UBTF: variants seen among roughly 807,000 people sequenced by gnomAD.
The protein encoded by UBTF is nucleolar transcription factor 1.
A neutral mutation model predicts 112.3 loss-of-function variants in UBTF; 8 were observed. The ratio of observed to expected loss-of-function variants is 0.07; its 90% CI spans 0.04 to 0.13. The LOEUF (loss-of-function observed/expected upper bound fraction) is 0.13, where lower values mean the gene tolerates loss of function less well. UBTF is among the 10% of genes least tolerant of loss of function. UBTF has a pLI of 1.00. For missense variants in UBTF, 457 were observed against 982.1 expected, an observed-to-expected ratio of 0.47 and a Z score of 7.15; for synonymous variants, 417 against 373.1, an observed-to-expected ratio of 1.12 and a Z score of -1.36.
At chr17:44,212,071 G>A in intron 8 of UBTF, 65 bp from the exon 9 acceptor site, 1 of 1,560,126 alleles carries the variant, frequency 6.4e-7, no homozygotes, top group African/African-American at 1.4e-5. Flanking sequence ...AGGGGCAGGG[G>A]GAGAGCCGCT....
Position 44,212,273 on chromosome 17 carries a change from C to A in UBTF, c.771+71G>T, listed in dbSNP as rs1229691960. ...GGGGAGTGACACCTCCCGCAGAGTG[C>A]GGTGGCCACGGAGTCGGAGGGCAGA... On this transcript the variant is annotated intron_variant, in intron 8 of 20. Coordinates refer to ENST00000436088, the MANE Select transcript of UBTF (RefSeq NM_014233.4). The A allele has an allele frequency of 1.1e-5, 14 of 1,330,376 alleles. No individual in the cohort carries two copies. In the African/African-American group the frequency reaches 1.5e-4, roughly 14 times the overall value. The allele number at this position is 1,330,376 out of a possible 1,614,324, so 82.4% of individuals were successfully genotyped here.
rs754238904 is a variant in UBTF at position 44,209,428 on chromosome 17, C to G, written c.1829G>C (p.Ser610Thr). 6.2e-7 allele frequency: 1 copy of G among 1,614,168 alleles called. No homozygotes were observed. The highest frequency in any genetic ancestry group is 8.5e-7 in the Non-Finnish European group (1 of 1,180,006). The change falls in exon 17 of 21, where the codon AGC becomes ACC. Residue 610 changes from serine to threonine, a missense_variant. Physicochemically the swap from Ser to Thr is moderately conservative, Grantham distance 58. This residue lies in a region of UBTF where 77 missense variants were observed against 211.9 expected (regional missense o/e 0.36). Transcript: ENST00000436088. ...IGSRWQRISQ[S>T]QKEHYKKLAE... ...CAGCTTTTTGTAGTGCTCCTTCTGG[C>G]TCTGGGAGATGCGCTGCCAGCGACT...
In UBTF at chr17:44,207,356, A is replaced by C. The variant is rs1229707048; in HGVS notation, c.2181T>G (p.Asp727Glu). Residue 727 changes from aspartate to glutamate, a missense_variant, in exon 21 of 21, where the codon GAT (aspartate) becomes GAG (glutamate). Around this residue, in one of 7 missense-constraint regions of UBTF, gnomAD observed 139 missense variants for 157.5 expected, o/e 0.88. Transcript: ENST00000436088. ...CCTCGTCGTCGTCTTCGTCCTCGTC[A>C]TCCTCTTCATTCTGGGGGGTGAGAA... ...ESEDGDENEE[D>E]DEDEDDDEDD... is the part of the protein sequence containing the mutation. 1 of 1,612,428 alleles carries C rather than the reference A, an allele frequency of 6.2e-7. No homozygotes were observed. The highest frequency in any genetic ancestry group is 8.5e-7 in the Non-Finnish European group (1 of 1,179,438).
intron 3 of UBTF, 104 bp downstream of exon 3, chr17:44,216,425 A>G (rs1200573692): frequency 1.3e-5 from 18 of 1,353,868 alleles, no homozygotes; most frequent in Admixed American, 1.8e-5. Context: ...GACCACATGA[A>G]TGCCTCTCCT....
At chr17:44,213,181 G>A (rs2056804611) in intron 6 of UBTF, 37 bp downstream of exon 6, 2 of 1,605,534 alleles carry the variant, frequency 1.2e-6, no homozygotes, top group Non-Finnish European at 1.7e-6. Context: ...GCTGCCCCCA[G>A]TGCCCCGTGG....
At chr17:44,212,682 G>A (rs1358160737) in intron 7 of UBTF, 137 bp downstream of exon 7, 3 of 1,463,594 alleles carry the variant, frequency 2.0e-6, no homozygotes, top group Non-Finnish European at 2.8e-6. Flanking sequence ...AGCTGGCCCG[G>A]GCCCTGTCCA....
At chr17:44,216,395 C>A in intron 3 of UBTF, 134 bp downstream of exon 3, 1 of 1,040,850 alleles carries the variant, frequency 9.6e-7, no homozygotes, top group Admixed American at 2.1e-5. Flanking sequence ...TGCAAAGGGG[C>A]AGGTAGAGAG....
At chr17:44,215,617 C>T (rs1598260022) in intron 5 of UBTF, 37 bp downstream of exon 5, 1 of 1,609,956 alleles carries the variant, frequency 6.2e-7, no homozygotes, top group Non-Finnish European at 8.5e-7. Context: ...TGCTCCCAGC[C>T]TCTCCCCTCC....
At chr17:44,220,052 G>GGCTGCTGCT (rs914059314), upstream of UBTF, among the ~76,000 whole-genome samples, 5 of 137,196 alleles carry the variant, frequency 3.6e-5, no homozygotes, top group Non-Finnish European at 8.0e-5. Context: ...CGGCGGCGGC[G>GGCTGCTGCT]GCTGCTGCTG....
At chr17:44,217,988 C>A (rs906474165) in intron 2 of UBTF, among the ~76,000 whole-genome samples, 184 bp downstream of exon 2, 1 of 152,190 alleles carries the variant, frequency 6.6e-6, no homozygotes, top group African/African-American at 2.4e-5. Context: ...CCACTCCAGG[C>A]CAAATAATTT....
chr17:44,220,355 T>G (rs1169387091), upstream of UBTF, among the ~76,000 whole-genome samples: 3 of 151,098 alleles, frequency 2.0e-5, no homozygotes, highest in Admixed American at 1.3e-4. Context: ...CCAGGCCAGC[T>G]CTCTCCCGCC....
chr17:44,212,481 C>T, intron 7 of UBTF, 27 bp from the exon 8 acceptor site: 1 of 1,399,896 alleles, frequency 7.1e-7, no homozygotes, highest in Non-Finnish European at 1.0e-6. Flanking sequence ...GTCAGACACG[C>T]ACAGGCAGCC....
rs569660738 is a variant in UBTF, at chr17:44,207,140, G to A, written c.*102C>T. On this transcript the variant is annotated 3_prime_UTR_variant, in exon 21 of 21. Transcript: ENST00000436088. ...TAAAGAAAGAAAGAAAGTGGGGGAG[G>A]CCAGGGGGGCAAGGGACAGAACATG... 7.7e-7 allele frequency: 1 copy of A among 1,306,200 alleles called. No homozygotes were observed. Among genetic ancestry groups the A allele is most frequent in the East Asian group, 2.4e-5 (1 of 41,696 alleles). The allele number at this position is 1,306,200 out of a possible 1,614,324, so 80.9% of individuals were successfully genotyped here. A position where few individuals can be genotyped will look rare whatever the true frequency, so the allele number is the denominator to read the frequency against.
chr17:44,207,547 TTCATCCTCGTCCTCG>T lies in UBTF; in HGVS notation c.2061_2075del (p.Asp687_Asp691del), dbSNP rs1410207574. 2 of 1,613,772 alleles carry T rather than the reference TTCATCCTCGTCCTCG, an allele frequency of 1.2e-6. No individual in the cohort carries two copies. The highest frequency in any genetic ancestry group is 1.7e-6 in the Non-Finnish European group (2 of 1,179,944). ...CCCCATTCTCATCATCTTCCTCTTC[TTCATCCTCGTCCTCG>T]TCATCCTCATCCTCTTCATCATCCT... On this transcript the variant is annotated inframe_deletion, in exon 20 of 21. Transcript: ENST00000436088.
chr17:44,213,681 ACTGT>A (rs2046696207), intron 5 of UBTF, among the ~76,000 whole-genome samples: 1 of 151,918 alleles, frequency 6.6e-6, no homozygotes, highest in African/African-American at 2.4e-5. Context: ...CCCTCTTCTC[ACTGT>A]CTGTGGCAGC....
In UBTF at chr17:44,216,516, G is replaced by C. The variant is rs370745203; in HGVS notation, c.234+13C>G. ...GGGGTATGTGTGTATGTCAGAAAAG[G>C]GGGATCAGTTACCTCATTAGAAATC... is the stretch of plus-strand genomic sequence containing the variant. On this transcript the variant is annotated intron_variant, in intron 3 of 20. Transcript: ENST00000436088. 6.2e-7 allele frequency: 1 copy of C among 1,613,674 alleles called. No homozygotes were observed.
intron 5 of UBTF, 92 bp from the exon 6 acceptor site, chr17:44,213,374 C>A: frequency 7.3e-7 from 1 of 1,362,624 alleles, no homozygotes; most frequent in Non-Finnish European, 1.0e-6. Context: ...GCTGGCTCTT[C>A]TGCCTCCCAC....
In UBTF at chr17:44,210,944, C is replaced by T; in HGVS notation, c.1207G>A (p.Gly403Ser). The change falls in exon 13 of 21, where the codon GGC (glycine) becomes AGC (serine). Residue 403 changes from glycine to serine, a missense_variant. Physicochemically the swap from Gly to Ser is moderately conservative, Grantham distance 56. This residue lies in a region of UBTF where 108 missense variants were observed against 137.4 expected (regional missense o/e 0.79). Coordinates refer to ENST00000436088, the MANE Select transcript of UBTF (RefSeq NM_014233.4). Reference protein sequence around the residue: ...KKPAQEGGKGGSEKPKRPVSA... With the variant: ...KKPAQEGGKGSSEKPKRPVSA... ...ACGGGCCGCTTGGGCTTCTCGGAGC[C>T]GCCCTGTCCAGGTGCAGAGGGTCGG... 3.1e-6 allele frequency: 5 copies of T among 1,606,340 alleles called. No individual in the cohort carries two copies. Among genetic ancestry groups the T allele is most frequent in the Non-Finnish European group, 2.5e-6 (3 of 1,178,626 alleles).
In UBTF at chr17:44,211,801, C is replaced by A. The variant is rs764539395; in HGVS notation, c.906-54G>T. The A allele has an allele frequency of 2.8e-5, 44 of 1,599,512 alleles. No homozygotes were observed. Among genetic ancestry groups the A allele is most frequent in the Admixed American group, 2.5e-4 (15 of 59,678 alleles). On this transcript the variant is annotated intron_variant, in intron 9 of 20. Transcript: ENST00000436088. This position sits in a 1 kb window ranked among gnomAD's most constrained non-coding sequence, Gnocchi z 4.9. Reference sequence around the variant, plus strand: ...GCCCGTAAGCGAGCAGGGCAGCAGGCCTTCTCACCTGCAGAGCCCAGCCCA... The same window carrying A: ...GCCCGTAAGCGAGCAGGGCAGCAGGACTTCTCACCTGCAGAGCCCAGCCCA...
Sources: allele counts gnomAD v4.1 joint callset (sites outside exome capture counted in the v4.1 genomes callset), GRCh38; gene constraint gnomAD v4.1.1; regional missense constraint gnomAD v4.1.1; non-coding constraint Gnocchi (gnomAD v3.1); transcripts MANE v1.5; gene names NCBI Gene and HGNC (gene_info 2026-07-23, HGNC 2026-07-21).